Variants in ZMPSTE24 observed in about 807,000 individuals in gnomAD.
The protein encoded by ZMPSTE24 is zinc metallopeptidase STE24, also known as CAAX prenyl protease 1 homolog.
In ZMPSTE24, 48 loss-of-function variants were observed where a neutral mutation model predicts 56.7. The observed-to-expected ratio is 0.85, with a 90% CI of 0.67 to 1.08. ZMPSTE24 has a LOEUF of 1.08. Among genes scored for constraint, ZMPSTE24 ranks in the 50% least tolerant of loss-of-function variants. The pLI is 0.00. For missense variants in ZMPSTE24, 503 were observed against 548.7 expected (o/e 0.92, Z 0.83); for synonymous variants, 172 against 195.2 (o/e 0.88, Z 0.99).
At chr1:40,287,550 C>T (rs1005143335) in intron 8 of ZMPSTE24, among the ~76,000 whole-genome samples, 1 of 151,834 alleles carries the variant, frequency 6.6e-6, no homozygotes, top group Non-Finnish European at 1.5e-5. Context: ...GGTGGCACGC[C>T]TGTAATCCCA....
intron 6 of ZMPSTE24, among the ~76,000 whole-genome samples, chr1:40,276,229 G>A (rs1643670311): frequency 6.6e-6 from 1 of 152,174 alleles, no homozygotes; most frequent in Non-Finnish European, 1.5e-5. Flanking sequence ...ATGTCAGACA[G>A]GTAACTGTAT....
At chr1:40,268,130 T>C (rs773092849) in intron 3 of ZMPSTE24, among the ~76,000 whole-genome samples, 3 of 152,218 alleles carry the variant, frequency 2.0e-5, no homozygotes, top group Admixed American at 6.5e-5. Context: ...GTGACTTTCT[T>C]CCATGTGGTA....
chr1:40,258,734 C>G (rs929955533), intron 1 of ZMPSTE24, among the ~76,000 whole-genome samples: 3 of 152,174 alleles, frequency 2.0e-5, no homozygotes, highest in African/African-American at 7.2e-5. Context: ...ATTTAGACAC[C>G]CAACTTCCTC....
chr1:40,285,805 C>T (rs999606479), intron 7 of ZMPSTE24, 120 bp from the exon 8 acceptor site: 18 of 787,424 alleles, frequency 2.3e-5, no homozygotes, highest in Non-Finnish European at 3.7e-5. Flanking sequence ...AGACAATCAA[C>T]AGTTTTGAAC....
intron 7 of ZMPSTE24, among the ~76,000 whole-genome samples, chr1:40,282,585 G>A (rs553580207): frequency 7.2e-5 from 11 of 152,320 alleles, no homozygotes; most frequent in East Asian, 3.9e-4. Flanking sequence ...CAAGTTACCC[G>A]CCTGCCTTGG....
intron 8 of ZMPSTE24, among the ~76,000 whole-genome samples, chr1:40,287,651 G>A (rs1643800893): frequency 6.6e-6 from 1 of 151,472 alleles, no homozygotes; most frequent in Non-Finnish European, 1.5e-5. Context: ...CTCCAGCCTG[G>A]GCGACAGAGT....
At chr1:40,291,839 C>CTT (rs769515049) in intron 9 of ZMPSTE24, among the ~76,000 whole-genome samples, 10,303 of 132,828 alleles carry the variant, frequency 0.078, 522 homozygotes, top group East Asian at 0.22. Context: ...TCTTAAAACT[C>CTT]TTTTTTTTTT....
intron 7 of ZMPSTE24, 109 bp downstream of exon 7, chr1:40,281,636 T>C: frequency 1.7e-6 from 2 of 1,178,992 alleles, no homozygotes; most frequent in Non-Finnish European, 2.5e-6. Flanking sequence ...TCAGGGAGAC[T>C]ATCAGATGAA....
intron 9 of ZMPSTE24, 69 bp from the exon 10 acceptor site, chr1:40,292,376 A>G (rs1280602921): frequency 2.0e-6 from 3 of 1,471,090 alleles, no homozygotes; most frequent in South Asian, 2.3e-5. Context: ...CTACAGTCTC[A>G]GCTCATGGAA....
rs1444254989 is a variant in ZMPSTE24, at chr1:40,293,823, C to G, written c.*1154C>G. 1.3e-5 allele frequency: 2 copies of G among 152,184 alleles called. No homozygotes were observed. Among genetic ancestry groups the G allele is most frequent in the East Asian group, 3.9e-4 (2 of 5,194 alleles). 9.4% of individuals were successfully genotyped at this position (152,184 alleles called of 1,614,324 possible). On this transcript the variant is annotated 3_prime_UTR_variant, in exon 10 of 10. Coordinates refer to ENST00000372759, the MANE Select transcript of ZMPSTE24 (RefSeq NM_005857.5). ...ACTGCTTCATATCTCTGTCCACTTT[C>G]TGAATGAGAACTTATTTTGTGCCTA...
chr1:40,285,672 A>G (rs1643780035), intron 7 of ZMPSTE24, among the ~76,000 whole-genome samples: 1 of 151,860 alleles, frequency 6.6e-6, no homozygotes, highest in Non-Finnish European at 1.5e-5. Flanking sequence ...TTCCTAATCT[A>G]AGTTAGTCTA....
Position 40,281,429 on chromosome 1 carries a change from G to C in ZMPSTE24, c.856G>C (p.Glu286Gln), listed in dbSNP as rs894152798. 8 of 1,613,922 alleles carry C rather than the reference G, an allele frequency of 5.0e-6. No individual in the cohort carries two copies. The African/African-American group carries it at 1.1e-4, about 22-fold the overall frequency. The stretch of plus-strand genomic sequence containing the variant: ...AGTTTTGTTTGACACTCTACTAGAA[G>C]AGTACTCTGTACTAAACAAAGACAT... ...RIVLFDTLLE[E>Q]YSVLNKDIQE... Residue 286 changes from glutamate (E) to glutamine (Q), a missense_variant, in exon 7 of 10, where the codon GAG becomes CAG. By Grantham distance (29) the Glu-to-Gln change is conservative. Coordinates refer to ENST00000372759, the MANE Select transcript of ZMPSTE24 (RefSeq NM_005857.5).
chr1:40,261,988 C>G (rs1335131287), intron 2 of ZMPSTE24, among the ~76,000 whole-genome samples: 2 of 152,212 alleles, frequency 1.3e-5, no homozygotes, highest in Non-Finnish European at 2.9e-5. Flanking sequence ...GGATTACAGT[C>G]ATGAGCCACT....
At chr1:40,261,263 A>T (rs1643493987) in intron 2 of ZMPSTE24, among the ~76,000 whole-genome samples, 1 of 152,144 alleles carries the variant, frequency 6.6e-6, no homozygotes, top group African/African-American at 2.4e-5. Flanking sequence ...CAACCATTTG[A>T]AACTCCCTGC....
intron 8 of ZMPSTE24, chr1:40,290,606 A>G (rs978782517): frequency 2.7e-6 from 1 of 376,322 alleles, no homozygotes; most frequent in Non-Finnish European, 5.0e-6. Flanking sequence ...GACTACAGGC[A>G]TCCGCCACCA....
rs75470795 is a variant in ZMPSTE24, at chr1:40,268,618, A to C, written c.474+83A>C. 0.027 allele frequency: 24,160 copies of C among 903,466 alleles called. 416 individuals carry two copies. The highest frequency in any genetic ancestry group is 0.033 in the Non-Finnish European group (19,013 of 580,884). 56.0% of individuals were successfully genotyped at this position (903,466 alleles called of 1,614,324 possible). On this transcript the variant is annotated intron_variant, in intron 4 of 9. Transcript: ENST00000372759. ...CCTGTACTGTTTATAATTTAAACAT[A>C]ATTTACTATTTCAGAGTATGAATTG...
At chr1:40,267,137 TTTTAGA>T (rs1643557920) in intron 2 of ZMPSTE24, among the ~76,000 whole-genome samples, 1 of 152,078 alleles carries the variant, frequency 6.6e-6, no homozygotes, top group Admixed American at 6.6e-5. Flanking sequence ...TTTTGTTTTG[TTTTAGA>T]ACAGCTTTAT....
At chr1:40,268,321 ATTGC>A (rs754322351) in intron 3 of ZMPSTE24, 94 bp from the exon 4 acceptor site, 6 of 826,428 alleles carry the variant, frequency 7.3e-6, no homozygotes, top group Non-Finnish European at 1.3e-5. Flanking sequence ...AATCAAGCAT[ATTGC>A]TTGGGATGTA....
intron 2 of ZMPSTE24, among the ~76,000 whole-genome samples, chr1:40,265,908 C>G (rs1181716293): frequency 6.6e-6 from 1 of 152,054 alleles, no homozygotes; most frequent in Non-Finnish European, 1.5e-5. Flanking sequence ...ATCCAATGTA[C>G]TGGTAACAGT....
Sources: gnomAD v4.1 joint callset for allele counts (sites outside exome capture counted in the v4.1 genomes callset) on GRCh38, gnomAD v4.1.1 for gene constraint, MANE v1.5 for transcripts, NCBI Gene and HGNC (gene_info 2026-07-23, HGNC 2026-07-21) for gene names.